Variants in TRPM7 observed in about 807,000 individuals in gnomAD.
TRPM7 encodes the protein transient receptor potential cation channel subfamily M member 7, also known as LTRPC ion channel family member 7.
A neutral mutation model predicts 229.7 loss-of-function variants in TRPM7; 134 were observed. The ratio of observed to expected loss-of-function variants is 0.58; its 90% CI spans 0.51 to 0.67. TRPM7 has a LOEUF of 0.67. Among genes scored for constraint, TRPM7 ranks in the 30% least tolerant of loss-of-function variants. The probability of loss-of-function intolerance (pLI) is 0.00; values close to 1 mark genes in which losing one functional copy is unlikely to be tolerated. For missense variants in TRPM7, 1,901 were observed against 2,210.0 expected (o/e 0.86, Z 2.80); for synonymous variants, 699 against 715.2 (o/e 0.98, Z 0.36).
At chr15:50,587,314 G>A (rs1485618886) in intron 27 of TRPM7, among the ~76,000 whole-genome samples, 1 of 151,060 alleles carries the variant, frequency 6.6e-6, no homozygotes, top group Non-Finnish European at 1.5e-5. Context: ...ATGTTTTTTA[G>A]GTACTTAAAT....
At chr15:50,588,913 G>C (rs1422304731) in intron 27 of TRPM7, among the ~76,000 whole-genome samples, 15 of 152,108 alleles carry the variant, frequency 9.9e-5, no homozygotes, top group Non-Finnish European at 5.9e-5. Flanking sequence ...CTCACTGCTA[G>C]ACAATAGGTT....
At chr15:50,608,798 G>A (rs1009038350) in intron 19 of TRPM7, among the ~76,000 whole-genome samples, 3 of 152,112 alleles carry the variant, frequency 2.0e-5, no homozygotes, top group South Asian at 2.1e-4. Context: ...TTCCTATGAC[G>A]GGGAGTTAAG....
At position 50,557,463 on chromosome 15, in the gene TRPM7, A is replaced by G. The variant is rs373824124; in HGVS notation, c.*4215T>C. On this transcript the variant is annotated 3_prime_UTR_variant, in exon 39 of 39. Transcript: ENST00000646667. The stretch of plus-strand genomic sequence containing the variant: ...AACATAGTCTGACTTGAGAGTGGGG[A>G]AAGTGGAACAAGGGAGTAATTTTTA... 5 of 152,324 alleles carry G rather than the reference A, an allele frequency of 3.3e-5. No individual in the cohort carries two copies. In the East Asian group the frequency reaches 9.6e-4, roughly 29 times the overall value. The allele number at this position is 152,324 out of a possible 1,614,324, so 9.4% of individuals were successfully genotyped here.
At chr15:50,631,639 C>T (rs1165721881) in intron 9 of TRPM7, 150 bp from the exon 10 acceptor site, 1 of 426,700 alleles carries the variant, frequency 2.3e-6, no homozygotes, top group African/African-American at 2.0e-5. Flanking sequence ...CATACATACA[C>T]ATAATATATT....
At chr15:50,677,515 C>A (rs188050134) in intron 1 of TRPM7, among the ~76,000 whole-genome samples, 180 of 151,914 alleles carry the variant, frequency 1.2e-3, no homozygotes, top group African/African-American at 4.0e-3. Context: ...CCAAGGCAGG[C>A]GGATCGCAAG....
chr15:50,574,292 G>A lies in TRPM7; in HGVS notation c.5290C>T (p.Leu1764=), dbSNP rs749698536. 1.2e-6 allele frequency: 2 copies of A among 1,613,614 alleles called. No homozygotes were observed. Among genetic ancestry groups the A allele is most frequent in the African/African-American group, 2.7e-5 (2 of 74,878 alleles). Residue 1764 remains leucine (L), a synonymous_variant, in exon 36 of 39, where the codon CTG becomes TTG. Coordinates refer to ENST00000646667, the MANE Select transcript of TRPM7 (RefSeq NM_017672.6). ...WTYEYTRGEL[L]VLDLQGVGEN... is the part of the protein sequence containing the mutation. ...AATTTACCTTGCAAATCAAGTACCA[G>A]TAACTCCCCTCTTGTATATTCGTAA...
chr15:50,650,497 C>T (rs183482469), intron 3 of TRPM7, among the ~76,000 whole-genome samples: 14 of 152,034 alleles, frequency 9.2e-5, no homozygotes, highest in Admixed American at 8.5e-4. Context: ...GAGCTCTAGA[C>T]CAGCCTGACC....
chr15:50,591,534 T>C (rs1370884707), intron 26 of TRPM7, among the ~76,000 whole-genome samples: 1 of 151,676 alleles, frequency 6.6e-6, no homozygotes, highest in Non-Finnish European at 1.5e-5. Context: ...TCTCATTCTG[T>C]CACACAGGCT....
In TRPM7 at chr15:50,583,178, A is replaced by T. The variant is rs906814811; in HGVS notation, c.4487-19T>A. On this transcript the variant is annotated intron_variant, in intron 28 of 38. Transcript: ENST00000646667. Reference sequence around the variant, plus strand: ...TTTTCTGCTAAAAGAAAATTAAAAAATATAAAAAAGCTACACAACTGAAGT... The same window carrying T: ...TTTTCTGCTAAAAGAAAATTAAAAATTATAAAAAAGCTACACAACTGAAGT... The T allele has an allele frequency of 1.3e-6, 2 of 1,576,712 alleles. No individual in the cohort carries two copies. Among genetic ancestry groups the T allele is most frequent in the Non-Finnish European group, 1.7e-6 (2 of 1,157,842 alleles).
chr15:50,580,957 T>C, intron 29 of TRPM7, 49 bp from the exon 30 acceptor site: 1 of 1,546,230 alleles, frequency 6.5e-7, no homozygotes, highest in Non-Finnish European at 8.7e-7. Context: ...AAGACAAAAA[T>C]CTCTAGATGA....
Position 50,611,203 on chromosome 15 carries a change from A to T in TRPM7, c.2170T>A (p.Leu724Ile), listed in dbSNP as rs1379735747. Reference sequence around the variant, plus strand: ...GGTCTAAGTCTTGAAGAAACTGCTAACTTAAGGCAGGTTGAATTACTCCAG... The same window carrying T: ...GGTCTAAGTCTTGAAGAAACTGCTATCTTAAGGCAGGTTGAATTACTCCAG... Reference protein sequence around the residue: ...KNWSNSTCLKLAVSSRLRPFV... With the variant: ...KNWSNSTCLKIAVSSRLRPFV... Residue 724 changes from leucine to isoleucine, a missense_variant, in exon 17 of 39, where the codon TTA (leucine) becomes ATA (isoleucine). This residue lies in a region of TRPM7 where 794 missense variants were observed against 881.9 expected (regional missense o/e 0.90). Coordinates refer to ENST00000646667, the MANE Select transcript of TRPM7 (RefSeq NM_017672.6). The T allele has an allele frequency of 7.4e-6, 12 of 1,613,876 alleles. No individual in the cohort carries two copies. The highest frequency in any genetic ancestry group is 1.0e-5 in the Non-Finnish European group (12 of 1,179,950).
At chr15:50,570,031 A>C in intron 37 of TRPM7, 38 bp from the exon 38 acceptor site, 1 of 1,591,806 alleles carries the variant, frequency 6.3e-7, no homozygotes, top group Non-Finnish European at 8.6e-7. Context: ...CAACAAAAAA[A>C]AGGGGGCAGT....
intron 1 of TRPM7, among the ~76,000 whole-genome samples, chr15:50,679,539 T>TATATATA (rs1491586861): frequency 9.0e-5 from 2 of 22,306 alleles, no homozygotes; most frequent in South Asian, 1.2e-3. Flanking sequence ...TATATATATA[T>TATATATA]TTTTTTTTTT....
intron 13 of TRPM7, among the ~76,000 whole-genome samples, chr15:50,616,064 T>C (rs2060213953): frequency 6.6e-6 from 1 of 152,198 alleles, no homozygotes; most frequent in Admixed American, 6.5e-5. Context: ...TGATTGAGAA[T>C]GTCACCTATG....
In TRPM7 at chr15:50,632,848, T is replaced by C. The variant is rs367749175; in HGVS notation, c.1131+21A>G. ...AAAAATGGCCTATCAGCTTTTTAAA[T>C]TTCTGCTGAAATCTACTTACAAGCT... On this transcript the variant is annotated intron_variant, in intron 9 of 38. Coordinates refer to ENST00000646667, the MANE Select transcript of TRPM7 (RefSeq NM_017672.6). 2.0e-6 allele frequency: 3 copies of C among 1,508,942 alleles called. No individual in the cohort carries two copies. The African/African-American group carries it at 4.4e-5, about 22-fold the overall frequency. The allele number at this position is 1,508,942 out of a possible 1,614,324, so 93.5% of individuals were successfully genotyped here. A position where few individuals can be genotyped will look rare whatever the true frequency, so the allele number is the denominator to read the frequency against.
chr15:50,586,078 A>G (rs2059335556), intron 28 of TRPM7, among the ~76,000 whole-genome samples: 2 of 152,204 alleles, frequency 1.3e-5, no homozygotes, highest in South Asian at 4.1e-4. Context: ...AATATGTTGA[A>G]TAAGTGATGA....
chr15:50,585,458 C>T (rs1488734583), intron 28 of TRPM7, among the ~76,000 whole-genome samples: 1 of 152,192 alleles, frequency 6.6e-6, no homozygotes, highest in East Asian at 1.9e-4. Context: ...CTTGGGCTTT[C>T]AATAGTTCAC....
intron 17 of TRPM7, 139 bp downstream of exon 17, chr15:50,610,954 G>A (rs959483958): frequency 4.2e-5 from 28 of 661,212 alleles, no homozygotes; most frequent in South Asian, 1.9e-4. Flanking sequence ...GGGATGAAAT[G>A]CCAATCATCC....
At chr15:50,567,464 T>G (rs544143656) in intron 38 of TRPM7, among the ~76,000 whole-genome samples, 1 of 152,282 alleles carries the variant, frequency 6.6e-6, no homozygotes, top group Non-Finnish European at 1.5e-5. Flanking sequence ...AAATAAAACT[T>G]ATTTTATAAG....
Sources: gnomAD v4.1 joint callset for allele counts (sites outside exome capture counted in the v4.1 genomes callset) on GRCh38, gnomAD v4.1.1 for gene constraint, gnomAD v4.1.1 regional missense constraint, MANE v1.5 for transcripts, NCBI Gene and HGNC (gene_info 2026-07-23, HGNC 2026-07-21) for gene names.